The following ANKRD44 variants were observed in gnomAD, a reference collection of about 807,000 sequenced individuals.
The protein encoded by ANKRD44 is ankyrin repeat domain 44, also known as serine/threonine-protein phosphatase 6 regulatory ankyrin repeat subunit B.
In ANKRD44, 35 loss-of-function variants were observed where a neutral mutation model predicts 116.0. That is an observed-to-expected ratio of 0.30 (90% CI 0.23 to 0.40). ANKRD44 has a LOEUF of 0.40. Ranked by LOEUF, ANKRD44 falls within the 10% of genes least tolerant of loss-of-function variation. The pLI, the probability that ANKRD44 is intolerant of heterozygous loss-of-function variation, is 1.00. For missense variants in ANKRD44, 1,014 were observed against 1,242.6 expected (o/e 0.82, Z 2.77); for synonymous variants, 435 against 461.8 (o/e 0.94, Z 0.74).
At chr2:196,971,579 T>G (rs905203900) in intron 21 of ANKRD44, among the ~76,000 whole-genome samples, 1 of 152,210 alleles carries the variant, frequency 6.6e-6, no homozygotes, top group African/African-American at 2.4e-5. Context: ...AGAATTACAT[T>G]AAGATTTTCT....
intron 16 of ANKRD44, among the ~76,000 whole-genome samples, chr2:197,056,383 T>C (rs1012878915): frequency 1.3e-5 from 2 of 152,206 alleles, no homozygotes; most frequent in African/African-American, 4.8e-5. Context: ...ATTATGTTTT[T>C]CTACGTATTG....
intron 24 of ANKRD44, 68 bp from the exon 25 acceptor site, chr2:196,998,487 C>T: frequency 8.8e-7 from 1 of 1,130,024 alleles, no homozygotes; most frequent in Non-Finnish European, 1.3e-6. Context: ...GAAGAAGTTA[C>T]TACAAACACA....
chr2:197,112,534 C>T (rs2078607006), intron 8 of ANKRD44, among the ~76,000 whole-genome samples: 1 of 151,812 alleles, frequency 6.6e-6, no homozygotes, highest in South Asian at 2.1e-4. Context: ...ACGGTGAAAC[C>T]CCGTCTCTAC....
intron 1 of ANKRD44, among the ~76,000 whole-genome samples, chr2:197,287,586 C>T (rs2105858255): frequency 1.3e-5 from 2 of 152,328 alleles, no homozygotes; most frequent in Middle Eastern, 6.8e-3. Context: ...CCATTCAACA[C>T]ACAGACAACC....
At chr2:197,056,329 T>C (rs1408675883) in intron 16 of ANKRD44, among the ~76,000 whole-genome samples, 2 of 152,194 alleles carry the variant, frequency 1.3e-5, no homozygotes, top group Non-Finnish European at 2.9e-5. Flanking sequence ...TAAATGAGTT[T>C]CAGAAGAGTT....
chr2:197,146,613 CATGTTTATGTAGT>C (rs929325514), intron 3 of ANKRD44, among the ~76,000 whole-genome samples: 70 of 146,860 alleles, frequency 4.8e-4, no homozygotes, highest in African/African-American at 1.7e-3. Context: ...GTTTATGTAG[CATGTTTATGTAGT>C]GTGTATATAT....
chr2:196,981,834 C>A (rs930524972), downstream of ANKRD44, among the ~76,000 whole-genome samples: 4 of 151,648 alleles, frequency 2.6e-5, no homozygotes, highest in Non-Finnish European at 5.9e-5. Context: ...TTGCCAAATC[C>A]ATTGGTCAAC....
At chr2:197,177,186 T>C (rs1204845722) in intron 2 of ANKRD44, among the ~76,000 whole-genome samples, 1 of 152,226 alleles carries the variant, frequency 6.6e-6, no homozygotes, top group African/African-American at 2.4e-5. Context: ...CTTCTTAAAA[T>C]TTTTCTGATT....
intron 16 of ANKRD44, among the ~76,000 whole-genome samples, chr2:197,076,847 A>G (rs931114780): frequency 6.6e-6 from 1 of 152,104 alleles, no homozygotes; most frequent in Admixed American, 6.5e-5. Context: ...GTTCTTTTTT[A>G]TGGCTGCATA....
chr2:197,301,475 C>T (rs2083906933), intron 1 of ANKRD44: 1 of 152,198 alleles, frequency 6.6e-6, no homozygotes, highest in African/African-American at 2.4e-5. Flanking sequence ...GCTAACCATC[C>T]TCACAACCAA....
intron 1 of ANKRD44, among the ~76,000 whole-genome samples, chr2:197,207,062 C>G (rs2081224813): frequency 6.6e-6 from 1 of 152,144 alleles, no homozygotes; most frequent in Non-Finnish European, 1.5e-5. Flanking sequence ...GGAACATTCT[C>G]AAAAACTTAC....
At chr2:197,098,511 G>A (rs1361713523) in intron 10 of ANKRD44, among the ~76,000 whole-genome samples, 1 of 152,124 alleles carries the variant, frequency 6.6e-6, no homozygotes, top group Non-Finnish European at 1.5e-5. Flanking sequence ...TAAAAATTTA[G>A]TTATTGTTAC....
intron 8 of ANKRD44, among the ~76,000 whole-genome samples, chr2:197,112,155 T>C (rs2078584198): frequency 6.6e-6 from 1 of 152,224 alleles, no homozygotes; most frequent in East Asian, 1.9e-4. Flanking sequence ...GAGAATGTAT[T>C]TTCATCCAAG....
At position 197,187,184 on chromosome 2, in the gene ANKRD44, T is replaced by G. The variant is rs79755132; in HGVS notation, c.28-78A>C. 2.4e-4 allele frequency: 342 copies of G among 1,426,446 alleles called. 2 individuals carry two copies. In the East Asian group the frequency reaches 7.7e-3, roughly 32 times the overall value. 88.4% of individuals were successfully genotyped at this position (1,426,446 alleles called of 1,614,324 possible). A position where few individuals can be genotyped will look rare whatever the true frequency, so the allele number is the denominator to read the frequency against. ...ATACAGATGCAGATGGTGAGAAGAT[T>G]TGTTCCTTAAAAGTTTATTGAACCA... On this transcript the variant is annotated intron_variant, in intron 1 of 27. Coordinates refer to ENST00000282272, the MANE Select transcript of ANKRD44 (RefSeq NM_001195144.2).
intron 6 of ANKRD44, among the ~76,000 whole-genome samples, chr2:197,123,101 G>A (rs2078896215): frequency 1.3e-5 from 2 of 152,154 alleles, no homozygotes; most frequent in South Asian, 2.1e-4. Context: ...TTAGTAGAGA[G>A]CCTTTAAAAA....
chr2:197,096,461 T>A (rs2078162952), intron 10 of ANKRD44, among the ~76,000 whole-genome samples: 1 of 152,172 alleles, frequency 6.6e-6, no homozygotes, highest in African/African-American at 2.4e-5. Context: ...ACCAAAGGGC[T>A]TTGACATCAC....
chr2:197,044,171 A>G (rs1375945725), intron 16 of ANKRD44, among the ~76,000 whole-genome samples: 1 of 152,248 alleles, frequency 6.6e-6, no homozygotes, highest in East Asian at 1.9e-4. Flanking sequence ...GTATGTTATC[A>G]TAGTCAAAAG....
chr2:197,267,792 T>C (rs949947043), intron 1 of ANKRD44, among the ~76,000 whole-genome samples: 2 of 152,136 alleles, frequency 1.3e-5, no homozygotes, highest in African/African-American at 4.8e-5. Flanking sequence ...CCGTGCTGAC[T>C]GTCCAAGGGA....
intron 1 of ANKRD44, among the ~76,000 whole-genome samples, chr2:197,198,602 G>A (rs188028041): frequency 1.3e-5 from 2 of 151,880 alleles, no homozygotes; most frequent in Non-Finnish European, 2.9e-5. Context: ...GACCAGCCTG[G>A]CCAACATGGT....
Sources: allele counts gnomAD v4.1 joint callset (sites outside exome capture counted in the v4.1 genomes callset), GRCh38; gene constraint gnomAD v4.1.1; transcripts MANE v1.5; gene names NCBI Gene and HGNC (gene_info 2026-07-23, HGNC 2026-07-21).